The following MRGPRX2 variants were observed in gnomAD, a reference collection of about 807,000 sequenced individuals.
The protein encoded by MRGPRX2 is MAS related GPR family member X2, also known as mas-related G protein-coupled receptor member X2.
For synonymous variants in MRGPRX2, 183 were observed against 175.6 expected (o/e 1.04, Z -0.33); for missense variants, 389 against 404.5 (o/e 0.96, Z 0.33).
chr11:19,056,409 A>G lies in MRGPRX2; in HGVS notation c.-7T>C. The G allele has an allele frequency of 1.2e-6, 2 of 1,603,134 alleles. No individual in the cohort carries two copies. The highest frequency in any genetic ancestry group is 1.7e-6 in the Non-Finnish European group (2 of 1,172,036). On this transcript the variant is annotated 5_prime_UTR_variant, in exon 2 of 2. Transcript: ENST00000329773. ...CCGGGGTGGTTGGATCCATGCTCAG[A>G]AAACCTCCACTGGTGCCCCTGGAAA...
At position 19,056,121 on chromosome 11, in the gene MRGPRX2, G is replaced by A; in HGVS notation, c.282C>T (p.Phe94=). The A allele has an allele frequency of 6.2e-7, 1 of 1,614,236 alleles. No homozygotes were observed. The highest frequency in any genetic ancestry group is 8.5e-7 in the Non-Finnish European group (1 of 1,180,036). The change falls in exon 2 of 2, where the codon TTC becomes TTT. Residue 94 remains phenylalanine, a synonymous_variant. Coordinates refer to ENST00000329773, the MANE Select transcript of MRGPRX2 (RefSeq NM_054030.4). The part of the protein sequence containing the change: ...INCLVYLSNF[F]CSISINFPSF... ...TAGGGAAATTGATGGAGATGGAACAGAAGAAGTTACTGAGGTACACCAGGC... is the reference window on the plus strand; with the variant it reads ...TAGGGAAATTGATGGAGATGGAACAAAAGAAGTTACTGAGGTACACCAGGC...
chr11:19,060,237 T>C (rs1310990268), intron 1 of MRGPRX2, among the ~76,000 whole-genome samples: 1 of 152,238 alleles, frequency 6.6e-6, no homozygotes, highest in Non-Finnish European at 1.5e-5. Context: ...GTGTGTTTTC[T>C]GCTGGGACAA....
rs1033413065 is a variant in MRGPRX2, at chr11:19,055,341, T to A, written c.*69A>T. On this transcript the variant is annotated 3_prime_UTR_variant, in exon 2 of 2. Coordinates refer to ENST00000329773, the MANE Select transcript of MRGPRX2 (RefSeq NM_054030.4). ...ATCAGGACTGAGAAAGTTCAGCAAA[T>A]CAGACAGACAGGGGCAAAGTTGCCT... 32 of 1,493,246 alleles carry A rather than the reference T, an allele frequency of 2.1e-5. No individual in the cohort carries two copies. Among genetic ancestry groups the A allele is most frequent in the Non-Finnish European group, 2.4e-5 (27 of 1,107,486 alleles). 92.5% of individuals were successfully genotyped at this position (1,493,246 alleles called of 1,614,324 possible).
chr11:19,056,565 G>A, intron 1 of MRGPRX2, 138 bp from the exon 2 acceptor site: 1 of 837,944 alleles, frequency 1.2e-6, no homozygotes, highest in Non-Finnish European at 1.9e-6. Context: ...TTTATTAAGG[G>A]CCAGGGAGTC....
In MRGPRX2 at chr11:19,055,129, CA is replaced by C; in HGVS notation, c.*280del. ...ATGTAGATCTTTTCTGCCCTGCTTT[CA>C]GCCTTCTGCGAAAGGTAGGATTCAT... On this transcript the variant is annotated 3_prime_UTR_variant, in exon 2 of 2. Transcript: ENST00000329773. The C allele has an allele frequency of 3.1e-6, 1 of 327,274 alleles. No individual in the cohort carries two copies. The highest frequency in any genetic ancestry group is 5.6e-6 in the Non-Finnish European group (1 of 178,092). The allele number at this position is 327,274 out of a possible 1,614,324, so 20.3% of individuals were successfully genotyped here.
In MRGPRX2 at chr11:19,056,018, G is replaced by A. The variant is rs1337656218; in HGVS notation, c.385C>T (p.Leu129=). Residue 129 remains leucine, a synonymous_variant, in exon 2 of 2, where the codon CTG becomes TTG. Transcript: ENST00000329773. ...MLSTVSTERC[L]SVLWPIWYRC... is the part of the protein sequence containing the mutation. ...TACCAGATGGGCCACAGGACGGACA[G>A]GCAGCGCTCGGTGCTGACGGTGCTC... 6.2e-7 allele frequency: 1 copy of A among 1,614,238 alleles called. No homozygotes were observed. The highest frequency in any genetic ancestry group is 8.5e-7 in the Non-Finnish European group (1 of 1,180,046).
Position 19,055,184 on chromosome 11 carries a change from A to T in MRGPRX2, c.*226T>A, listed in dbSNP as rs1849601006. 2.0e-6 allele frequency: 1 copy of T among 508,570 alleles called. No homozygotes were observed. Among genetic ancestry groups the T allele is most frequent in the African/African-American group, 1.9e-5 (1 of 53,036 alleles). The allele number at this position is 508,570 out of a possible 1,614,324, so 31.5% of individuals were successfully genotyped here. On this transcript the variant is annotated 3_prime_UTR_variant, in exon 2 of 2. Coordinates refer to ENST00000329773, the MANE Select transcript of MRGPRX2 (RefSeq NM_054030.4). The stretch of plus-strand genomic sequence containing the variant: ...AAGTGGGAACAGTCATGGACCGCAG[A>T]GTTGGCAAAGCTCTCATAGGGCTGT...
chr11:19,055,454 A>C lies in MRGPRX2; in HGVS notation c.949T>G (p.Phe317Val). Reference protein sequence around the residue: ...IAEVDHSEGCFRQGTPEMSRS... With the variant: ...IAEVDHSEGCVRQGTPEMSRS... ...GACATCTCCGGGGTGCCCTGACGGAAGCATCCTTCACTGTGATCCACCTCA... is the reference window on the plus strand; with the variant it reads ...GACATCTCCGGGGTGCCCTGACGGACGCATCCTTCACTGTGATCCACCTCA... The change falls in exon 2 of 2, where the codon TTC becomes GTC. Residue 317 changes from phenylalanine (F) to valine (V), a missense_variant. By Grantham distance (50) the Phe-to-Val change is conservative. Coordinates refer to ENST00000329773, the MANE Select transcript of MRGPRX2 (RefSeq NM_054030.4). 1 of 1,611,592 alleles carries C rather than the reference A, an allele frequency of 6.2e-7. No individual in the cohort carries two copies. The highest frequency in any genetic ancestry group is 8.5e-7 in the Non-Finnish European group (1 of 1,177,794).
Position 19,056,031 on chromosome 11 carries a change from G to C in MRGPRX2, c.372C>G (p.Ser124Arg), listed in dbSNP as rs1849614222. 5 of 1,614,112 alleles carry C rather than the reference G, an allele frequency of 3.1e-6. No homozygotes were observed. In the Admixed American group the frequency reaches 5.0e-5, roughly 16 times the overall value. ...ACAGGACGGACAGGCAGCGCTCGGT[G>C]CTGACGGTGCTCAGCATGCTCAGGC... The part of the protein sequence containing the change: ...LAGLSMLSTV[S>R]TERCLSVLWP... The change falls in exon 2 of 2, where the codon AGC becomes AGG. Residue 124 changes from serine (S) to arginine (R), a missense_variant. Physicochemically the swap from Ser to Arg is moderately radical, Grantham distance 110. Transcript: ENST00000329773.
chr11:19,056,396 G>C lies in MRGPRX2; in HGVS notation c.7C>G (p.Pro3Ala), dbSNP rs1308265329. The C allele has an allele frequency of 2.5e-6, 4 of 1,607,186 alleles. No homozygotes were observed. Among genetic ancestry groups the C allele is most frequent in the Middle Eastern group, 1.7e-4 (1 of 6,052 alleles). MD[P>A]TTPAWGTEST... ...TCTGTTCCCCAGGCCGGGGTGGTTGGATCCATGCTCAGAAAACCTCCACTG... is the reference window on the plus strand; with the variant it reads ...TCTGTTCCCCAGGCCGGGGTGGTTGCATCCATGCTCAGAAAACCTCCACTG... The change falls in exon 2 of 2, where the codon CCA becomes GCA. Residue 3 changes from proline (P) to alanine (A), a missense_variant. By Grantham distance (27) the Pro-to-Ala change is conservative. Coordinates refer to ENST00000329773, the MANE Select transcript of MRGPRX2 (RefSeq NM_054030.4).
intron 1 of MRGPRX2, among the ~76,000 whole-genome samples, chr11:19,059,839 A>G (rs1412606457): frequency 6.6e-6 from 1 of 152,166 alleles, no homozygotes; most frequent in African/African-American, 2.4e-5. Flanking sequence ...ACACATTGAC[A>G]GGAGATTGGA....
rs1849602623 is a variant in MRGPRX2, at chr11:19,055,359, A to C, written c.*51T>G. The C allele has an allele frequency of 2.0e-6, 3 of 1,535,928 alleles. No individual in the cohort carries two copies. The highest frequency in any genetic ancestry group is 2.8e-5 in the African/African-American group (2 of 72,294). On this transcript the variant is annotated 3_prime_UTR_variant, in exon 2 of 2. Coordinates refer to ENST00000329773, the MANE Select transcript of MRGPRX2 (RefSeq NM_054030.4). Reference sequence around the variant, plus strand: ...CAGCAAATCAGACAGACAGGGGCAAAGTTGCCTCTCAAAGCCACATATATC... The same window carrying C: ...CAGCAAATCAGACAGACAGGGGCAACGTTGCCTCTCAAAGCCACATATATC...
rs1849609951 is a variant in MRGPRX2, at chr11:19,055,789, A to G, written c.614T>C (p.Leu205Pro). ...GGAGCCACAGAGGATCCTGACCAGC[A>G]GGGCCAGACTGGACCCACAGAGAAC... Reference protein sequence around the residue: ...FMVLCGSSLALLVRILCGSRG... With the variant: ...FMVLCGSSLAPLVRILCGSRG... The change falls in exon 2 of 2, where the codon CTG becomes CCG. Residue 205 changes from leucine to proline, a missense_variant. Leu to Pro is a moderately conservative substitution (Grantham distance 98). Transcript: ENST00000329773. 1.2e-6 allele frequency: 2 copies of G among 1,614,210 alleles called. No homozygotes were observed. The highest frequency in any genetic ancestry group is 2.2e-5 in the East Asian group (1 of 44,884).
intron 1 of MRGPRX2, 46 bp from the exon 2 acceptor site, chr11:19,056,473 T>G: frequency 6.5e-7 from 1 of 1,537,860 alleles, no homozygotes; most frequent in Non-Finnish European, 8.8e-7. Flanking sequence ...TGTTCACTGA[T>G]TTTCATGACC....
rs1256945534 is a variant in MRGPRX2 at position 19,056,323 on chromosome 11, C to A, written c.80G>T (p.Gly27Val). ...GNDQALLLLC[G>V]KETLIPVFLI... ...GAAGACCGGGATCAGGGTCTCCTTG[C>A]CACAAAGCAGAAGAAGGGCTTGGTC... is the stretch of plus-strand genomic sequence containing the variant. Residue 27 changes from glycine (G) to valine (V), a missense_variant, in exon 2 of 2, where the codon GGC becomes GTC. Gly to Val is a moderately radical substitution (Grantham distance 109, BLOSUM62 -3). Coordinates refer to ENST00000329773, the MANE Select transcript of MRGPRX2 (RefSeq NM_054030.4). 6 of 1,614,158 alleles carry A rather than the reference C, an allele frequency of 3.7e-6. No homozygotes were observed. The highest frequency in any genetic ancestry group is 5.1e-6 in the Non-Finnish European group (6 of 1,180,010).
intron 1 of MRGPRX2, among the ~76,000 whole-genome samples, chr11:19,058,539 GC>G (rs1340607359): frequency 2.6e-5 from 4 of 151,752 alleles, no homozygotes; most frequent in Non-Finnish European, 4.4e-5. Flanking sequence ...TCCTGCCTCA[GC>G]CTCCCGAGTA....
intron 1 of MRGPRX2, among the ~76,000 whole-genome samples, chr11:19,059,996 T>G (rs1347190265): frequency 6.6e-6 from 1 of 151,266 alleles, no homozygotes; most frequent in Non-Finnish European, 1.5e-5. Context: ...TAGCCCTGCC[T>G]GGTGGCCCTT....
At chr11:19,059,217 A>G (rs546847713) in intron 1 of MRGPRX2, among the ~76,000 whole-genome samples, 1 of 152,306 alleles carries the variant, frequency 6.6e-6, no homozygotes, top group Admixed American at 6.5e-5. Flanking sequence ...AGGTGAGAGA[A>G]AGTGATATAA....
In MRGPRX2 at chr11:19,055,111, T is replaced by C. The variant is rs7112398; in HGVS notation, c.*299A>G. 77,715 of 276,488 alleles carry C rather than the reference T, an allele frequency of 0.28. 11,673 individuals carry two copies. Among genetic ancestry groups the C allele is most frequent in the African/African-American group, 0.4 (18,772 of 46,472 alleles). The allele number at this position is 276,488 out of a possible 1,614,324, so 17.1% of individuals were successfully genotyped here. A position where few individuals can be genotyped will look rare whatever the true frequency, so the allele number is the denominator to read the frequency against. On this transcript the variant is annotated 3_prime_UTR_variant, in exon 2 of 2. Transcript: ENST00000329773. ...AGTGCAGTGTCCAAAGAAATGTAGA[T>C]CTTTTCTGCCCTGCTTTCAGCCTTC...
Sources: allele counts gnomAD v4.1 joint callset (sites outside exome capture counted in the v4.1 genomes callset), GRCh38; gene constraint gnomAD v4.1.1; transcripts MANE v1.5; gene names NCBI Gene and HGNC (gene_info 2026-07-23, HGNC 2026-07-21).